IGF2BP2: variants seen among roughly 807,000 people sequenced by gnomAD.
IGF2BP2 encodes the protein insulin-like growth factor 2 mRNA-binding protein 2.
Under a neutral mutation model 75.8 loss-of-function variants are expected in IGF2BP2, and 17 were observed. The observed-to-expected ratio is 0.22, with a 90% CI of 0.15 to 0.34. The LOEUF is 0.34. IGF2BP2 is among the 10% of genes least tolerant of loss of function. The probability of loss-of-function intolerance (pLI) is 1.00; values close to 1 mark genes in which losing one functional copy is unlikely to be tolerated. For missense variants in IGF2BP2, 516 were observed against 772.4 expected (o/e 0.67, Z 3.93); for synonymous variants, 288 against 295.6 (o/e 0.97, Z 0.26).
rs566497564 is a variant in IGF2BP2, at chr3:185,789,146, C to CA, written c.239+34006dup. On this transcript the variant is annotated intron_variant, in intron 2 of 15. Coordinates refer to ENST00000382199, the MANE Select transcript of IGF2BP2 (RefSeq NM_006548.6). ...TAGCCGGGATTACAGGCACCAGCAT[C>CA]AACAAAGACTGTAAAAGATTTTCAA... Among the ~76,000 whole-genome samples the CA allele has an allele frequency of 2.6e-4, 39 of 152,258 alleles. 1 individual carries two copies. In the South Asian group the frequency reaches 7.7e-3, roughly 30 times the overall value.
At chr3:185,692,277 C>T (rs1050665338) in intron 5 of IGF2BP2, among the ~76,000 whole-genome samples, 1 of 152,200 alleles carries the variant, frequency 6.6e-6, no homozygotes, top group South Asian at 2.1e-4. Context: ...GCTGCCTCTT[C>T]ACAGTGCATG....
chr3:185,771,791 C>T (rs1345597940), intron 2 of IGF2BP2, among the ~76,000 whole-genome samples: 1 of 152,022 alleles, frequency 6.6e-6, no homozygotes, highest in African/African-American at 2.4e-5. Flanking sequence ...ACTTGCATTG[C>T]AACACTTAGT....
intron 8 of IGF2BP2, 114 bp downstream of exon 8, chr3:185,675,677 G>C: frequency 7.6e-7 from 1 of 1,310,764 alleles, no homozygotes; most frequent in Non-Finnish European, 1.1e-6. Context: ...GGAGATAATT[G>C]CATCACTTAT....
At position 185,687,086 on chromosome 3, in the gene IGF2BP2, G is replaced by C; in HGVS notation, c.783C>G (p.Ile261Met). The change falls in exon 7 of 16, where the codon ATC becomes ATG. Residue 261 changes from isoleucine (I) to methionine (M), a missense_variant. Ile to Met is a conservative substitution (Grantham distance 10). Around this residue, in one of 3 missense-constraint regions of IGF2BP2, gnomAD observed 312 missense variants for 474.5 expected, o/e 0.66. Transcript: ENST00000382199. ...TGGTCTCATCTGCCTCTTTCTGCAT[G>C]ATTTCAAGAATCATGCGGCATGCTT... ...TSEACRMILEIMQKEADETKL... is the reference protein window; with the variant it reads ...TSEACRMILEMMQKEADETKL... The C allele has an allele frequency of 6.2e-7, 1 of 1,613,478 alleles. No homozygotes were observed. The highest frequency in any genetic ancestry group is 1.1e-5 in the South Asian group (1 of 90,958).
At chr3:185,790,554 C>T (rs569741174) in intron 2 of IGF2BP2, among the ~76,000 whole-genome samples, 9 of 152,304 alleles carry the variant, frequency 5.9e-5, no homozygotes, top group Non-Finnish European at 1.2e-4. Flanking sequence ...AGCCACCAGC[C>T]AATCACCCTT....
In IGF2BP2 at chr3:185,698,426, C is replaced by T. The variant is rs117722374; in HGVS notation, c.240-79G>A. On this transcript the variant is annotated intron_variant, in intron 2 of 15. Transcript: ENST00000382199. ...CAAATAATAAAAACCGGCTTAAACC[C>T]GTCATTTGAATTTGTTTTCTCACTG... is the stretch of plus-strand genomic sequence containing the variant. 205 of 1,337,524 alleles carry T rather than the reference C, an allele frequency of 1.5e-4. No homozygotes were observed. In the East Asian group the frequency reaches 3.6e-3, roughly 23 times the overall value. 82.9% of individuals were successfully genotyped at this position (1,337,524 alleles called of 1,614,324 possible).
intron 2 of IGF2BP2, among the ~76,000 whole-genome samples, chr3:185,709,037 C>T (rs1724439813): frequency 6.6e-6 from 1 of 152,202 alleles, no homozygotes; most frequent in South Asian, 2.1e-4. Context: ...TGGTCCTCAA[C>T]TCATTATCTG....
At chr3:185,776,162 T>C (rs1734512219) in intron 2 of IGF2BP2, among the ~76,000 whole-genome samples, 1 of 152,164 alleles carries the variant, frequency 6.6e-6, no homozygotes, top group Admixed American at 6.5e-5. Context: ...GGAAGATCAC[T>C]TGAGCCCAGG....
intron 2 of IGF2BP2, among the ~76,000 whole-genome samples, chr3:185,808,438 C>A (rs1341949749): frequency 6.6e-6 from 1 of 152,134 alleles, no homozygotes; most frequent in Non-Finnish European, 1.5e-5. Flanking sequence ...CAACATCACA[C>A]CATTGCACTC....
At chr3:185,767,046 C>T (rs1733172719) in intron 2 of IGF2BP2, among the ~76,000 whole-genome samples, 1 of 152,152 alleles carries the variant, frequency 6.6e-6, no homozygotes, top group Non-Finnish European at 1.5e-5. Flanking sequence ...CTGCCCAGCC[C>T]CACTTCCTGC....
chr3:185,652,283 G>A lies in IGF2BP2; in HGVS notation c.1387-115C>T, dbSNP rs771424622. On this transcript the variant is annotated intron_variant, in intron 12 of 15. Coordinates refer to ENST00000382199, the MANE Select transcript of IGF2BP2 (RefSeq NM_006548.6). ...GGAGGTTCCAGGTCTTGCTTCTGCC[G>A]TTACCCCTGGTTCTGTCTGATGCCA... 2.7e-4 allele frequency: 214 copies of A among 799,506 alleles called. 1 individual carries two copies. The highest frequency in any genetic ancestry group is 3.5e-4 in the Non-Finnish European group (175 of 500,176). The allele number at this position is 799,506 out of a possible 1,614,324, so 49.5% of individuals were successfully genotyped here. A position where few individuals can be genotyped will look rare whatever the true frequency, so the allele number is the denominator to read the frequency against.
chr3:185,688,063 T>C (rs1721399131), intron 6 of IGF2BP2, among the ~76,000 whole-genome samples: 1 of 152,218 alleles, frequency 6.6e-6, no homozygotes, highest in South Asian at 2.1e-4. Context: ...CTTCCCTCTC[T>C]ATTTCCTCAC....
intron 10 of IGF2BP2, among the ~76,000 whole-genome samples, chr3:185,664,997 T>G (rs937608109): frequency 1.3e-5 from 2 of 151,638 alleles, no homozygotes. Context: ...AAAAAACTTA[T>G]AGATACCGGG....
At chr3:185,797,897 TAAAA>T (rs35850351) in intron 2 of IGF2BP2, among the ~76,000 whole-genome samples, 4 of 90,362 alleles carry the variant, frequency 4.4e-5, no homozygotes, top group African/African-American at 1.5e-4. Context: ...CCCTGTCTCT[TAAAA>T]AAAAAAAAAA....
Position 185,758,397 on chromosome 3 carries a change from AG to A in IGF2BP2, c.240-60051del, listed in dbSNP as rs528651065. Reference sequence around the variant, plus strand: ...GGGTCTGACTGCTGGATTTAGCACTAGTTATGTGGAGAGACGTCTGATCTTG... The same window carrying A: ...GGGTCTGACTGCTGGATTTAGCACTATTATGTGGAGAGACGTCTGATCTTG... On this transcript the variant is annotated intron_variant, in intron 2 of 15. Coordinates refer to ENST00000382199, the MANE Select transcript of IGF2BP2 (RefSeq NM_006548.6). Among the ~76,000 whole-genome samples the A allele has an allele frequency of 8.5e-5, 13 of 152,314 alleles. No homozygotes were observed. In the East Asian group the frequency reaches 2.5e-3, roughly 29 times the overall value.
intron 2 of IGF2BP2, among the ~76,000 whole-genome samples, chr3:185,808,843 C>T (rs1739411237): frequency 6.6e-6 from 1 of 152,046 alleles, no homozygotes; most frequent in South Asian, 2.1e-4. Context: ...GCTGGGATTA[C>T]AGGCATGAGC....
At chr3:185,784,918 A>G (rs1252722650) in intron 2 of IGF2BP2, among the ~76,000 whole-genome samples, 1 of 152,218 alleles carries the variant, frequency 6.6e-6, no homozygotes. Flanking sequence ...CTGACATTTC[A>G]GTGGTGTGCT....
chr3:185,692,519 C>G (rs1722077062), intron 5 of IGF2BP2, among the ~76,000 whole-genome samples, 180 bp downstream of exon 5: 1 of 152,178 alleles, frequency 6.6e-6, no homozygotes, highest in African/African-American at 2.4e-5. Context: ...CACCCTGGAG[C>G]TCTACCAATA....
rs753885316 is a variant in IGF2BP2, at chr3:185,645,566, A to G, written c.1765T>C (p.Tyr589His). Residue 589 changes from tyrosine (Y) to histidine (H), a missense_variant, in exon 16 of 16, where the codon TAC (tyrosine) becomes CAC (histidine). Physicochemically the swap from Tyr to His is moderately conservative, Grantham distance 83. Around this residue, in one of 3 missense-constraint regions of IGF2BP2, gnomAD observed 129 missense variants for 230.5 expected, o/e 0.56. Transcript: ENST00000382199. The surrounding 1 kb of genome is among the most constrained non-coding windows in gnomAD (Gnocchi z 4.9). The stretch of plus-strand genomic sequence containing the variant: ...CGCTGTGAGGCGACTCCCTGAGGGT[A>G]TTTCTGCTCCTGCTGCTTCACCTGT... ...VQQVKQQEQKYPQGVASQRSK is the reference protein window; with the variant it reads ...VQQVKQQEQKHPQGVASQRSK The G allele has an allele frequency of 1.1e-5, 17 of 1,613,564 alleles. No homozygotes were observed. Among genetic ancestry groups the G allele is most frequent in the Admixed American group, 5.0e-5 (3 of 59,996 alleles).
Sources: allele counts gnomAD v4.1 joint callset (sites outside exome capture counted in the v4.1 genomes callset), GRCh38; gene constraint gnomAD v4.1.1; regional missense constraint gnomAD v4.1.1; non-coding constraint Gnocchi (gnomAD v3.1); transcripts MANE v1.5; gene names NCBI Gene and HGNC (gene_info 2026-07-23, HGNC 2026-07-21).